Variants in SLC9A9 observed in about 807,000 individuals in gnomAD.
The protein encoded by SLC9A9 is sodium/hydrogen exchanger 9.
SLC9A9 carries 62 observed loss-of-function variants against 77.8 expected under a neutral mutation model. That is an observed-to-expected ratio of 0.80 (90% CI 0.65 to 0.98). The LOEUF is 0.98. Among genes scored for constraint, SLC9A9 ranks in the 50% least tolerant of loss-of-function variants. The probability of loss-of-function intolerance (pLI) is 0.00; values close to 1 mark genes in which losing one functional copy is unlikely to be tolerated. For missense variants in SLC9A9, 775 were observed against 774.9 expected, an observed-to-expected ratio of 1.00 and a Z score of 0.00; for synonymous variants, 320 against 283.5, an observed-to-expected ratio of 1.13 and a Z score of -1.29.
chr3:143,546,488 G>A (rs1333256990), intron 9 of SLC9A9, among the ~76,000 whole-genome samples: 1 of 152,148 alleles, frequency 6.6e-6, no homozygotes, highest in East Asian at 1.9e-4. Flanking sequence ...TTCAAAAAGA[G>A]CAGAATCAAA....
intron 13 of SLC9A9, among the ~76,000 whole-genome samples, chr3:143,365,655 T>C (rs2032880852): frequency 6.6e-6 from 1 of 152,218 alleles, no homozygotes; most frequent in South Asian, 2.1e-4. Context: ...TCAGAATTTA[T>C]GCATATTTCC....
At chr3:143,365,711 T>TAGG (rs2032882425) in intron 13 of SLC9A9, among the ~76,000 whole-genome samples, 1 of 152,224 alleles carries the variant, frequency 6.6e-6, no homozygotes, top group Non-Finnish European at 1.5e-5. Flanking sequence ...TATCCTTCCC[T>TAGG]ATACCTTTCT....
chr3:143,622,457 T>C (rs905215241), intron 6 of SLC9A9, among the ~76,000 whole-genome samples: 1 of 152,188 alleles, frequency 6.6e-6, no homozygotes, highest in Non-Finnish European at 1.5e-5. Context: ...TGGGGGCCAA[T>C]ATTCAACATT....
chr3:143,778,213 C>G (rs1326910643), intron 4 of SLC9A9, among the ~76,000 whole-genome samples: 3 of 152,054 alleles, frequency 2.0e-5, no homozygotes, highest in Non-Finnish European at 2.9e-5. Context: ...ACCGAGCTCA[C>G]AGATCAGCAC....
At chr3:143,716,867 T>C (rs1205661967) in intron 4 of SLC9A9, among the ~76,000 whole-genome samples, 2 of 152,182 alleles carry the variant, frequency 1.3e-5, no homozygotes, top group African/African-American at 4.8e-5. Flanking sequence ...CTTTTGCTGT[T>C]GGCTTGCACA....
intron 11 of SLC9A9, among the ~76,000 whole-genome samples, chr3:143,469,862 G>C (rs1351198861): frequency 1.2e-4 from 19 of 152,172 alleles, no homozygotes; most frequent in Admixed American, 1.0e-3. Flanking sequence ...GATAACATTT[G>C]AAGTAGATAT....
chr3:143,319,008 T>C (rs1025888715), intron 14 of SLC9A9, among the ~76,000 whole-genome samples: 123 of 152,312 alleles, frequency 8.1e-4, no homozygotes, highest in African/African-American at 2.8e-3. Context: ...ACAAATAACT[T>C]TGACTTATAA....
At chr3:143,826,556 T>G (rs797021211) in intron 2 of SLC9A9, among the ~76,000 whole-genome samples, 14 of 152,302 alleles carry the variant, frequency 9.2e-5, no homozygotes, top group African/African-American at 3.4e-4. Flanking sequence ...ATCCTTTTGC[T>G]TTTGTCAACA....
intron 8 of SLC9A9, among the ~76,000 whole-genome samples, chr3:143,558,798 T>C (rs1174276790): frequency 5.9e-5 from 9 of 152,116 alleles, no homozygotes; most frequent in Non-Finnish European, 8.8e-5. Context: ...GGTTAAGACT[T>C]TGGGGGACTG....
chr3:143,618,720 A>C lies in SLC9A9; in HGVS notation c.755+33535T>G, dbSNP rs375008360. Among the ~76,000 whole-genome samples the C allele has an allele frequency of 1.4e-4, 22 of 152,350 alleles. No homozygotes were observed. In the East Asian group the frequency reaches 2.7e-3, roughly 19 times the overall value. ...GATGAAAAGATCCTGATGAGCCTTC[A>C]AAGATATCCTCATCTAACAGTAAGA... On this transcript the variant is annotated intron_variant, in intron 6 of 15. Coordinates refer to ENST00000316549, the MANE Select transcript of SLC9A9 (RefSeq NM_173653.4).
chr3:143,676,547 C>A (rs1576652586), intron 5 of SLC9A9, among the ~76,000 whole-genome samples: 1 of 151,952 alleles, frequency 6.6e-6, no homozygotes, highest in Admixed American at 6.6e-5. Flanking sequence ...CACCATCCTG[C>A]TCAACATGGT....
At chr3:143,275,079 G>T (rs1006786120) in intron 14 of SLC9A9, among the ~76,000 whole-genome samples, 4 of 152,078 alleles carry the variant, frequency 2.6e-5, no homozygotes, top group African/African-American at 9.7e-5. Context: ...TCTCAGCAAG[G>T]GTTCATGGGA....
At chr3:143,538,028 C>A (rs769648269) in intron 9 of SLC9A9, among the ~76,000 whole-genome samples, 7 of 152,170 alleles carry the variant, frequency 4.6e-5, no homozygotes, top group Non-Finnish European at 7.4e-5. Context: ...TTTTGGGTTG[C>A]CTAGGCCTTA....
In SLC9A9 at chr3:143,573,294, A is replaced by C. The variant is rs184736750; in HGVS notation, c.1000+794T>G. On this transcript the variant is annotated intron_variant, in intron 8 of 15. Transcript: ENST00000316549. The stretch of plus-strand genomic sequence containing the variant: ...CCATTCGAATGTCCGTTAAGATGTA[A>C]TGAGCAGAAAGGGATCCAGGATTGA... Among the ~76,000 whole-genome samples the C allele has an allele frequency of 3.6e-3, 542 of 152,292 alleles. 6 individuals carry two copies. Among genetic ancestry groups the C allele is most frequent in the African/African-American group, 0.012 (508 of 41,570 alleles).
At chr3:143,494,744 T>C (rs973154288) in intron 10 of SLC9A9, among the ~76,000 whole-genome samples, 35 of 152,318 alleles carry the variant, frequency 2.3e-4, no homozygotes, top group African/African-American at 7.7e-4. Context: ...GAAAACCCCC[T>C]GCATTAAAAG....
intron 6 of SLC9A9, among the ~76,000 whole-genome samples, chr3:143,617,189 A>G (rs932061839): frequency 5.9e-5 from 9 of 152,256 alleles, no homozygotes; most frequent in African/African-American, 2.2e-4. Flanking sequence ...CTAGAGAAGT[A>G]TCAGATATCT....
chr3:143,712,728 C>G (rs1018071371), intron 4 of SLC9A9, among the ~76,000 whole-genome samples: 11 of 152,192 alleles, frequency 7.2e-5, no homozygotes, highest in Non-Finnish European at 1.6e-4. Context: ...TTAGCCATCT[C>G]CCTCAAAGAA....
chr3:143,577,584 T>C (rs1313077621), intron 7 of SLC9A9, among the ~76,000 whole-genome samples: 2 of 152,210 alleles, frequency 1.3e-5, no homozygotes, highest in African/African-American at 4.8e-5. Flanking sequence ...CCAGTCTTAA[T>C]GTAGAGCTCA....
At chr3:143,477,330 A>ATTTTTTTTTTTTTTTT (rs59195338) in intron 11 of SLC9A9, among the ~76,000 whole-genome samples, 1 of 100,014 alleles carries the variant, frequency 1.0e-5, no homozygotes, top group Non-Finnish European at 2.0e-5. Context: ...GGCTTCTTCA[A>ATTTTTTTTTTTTTTTT]TTTTTTTTTT....
Sources: allele counts gnomAD v4.1 joint callset (sites outside exome capture counted in the v4.1 genomes callset), GRCh38; gene constraint gnomAD v4.1.1; transcripts MANE v1.5; gene names NCBI Gene and HGNC (gene_info 2026-07-23, HGNC 2026-07-21).